AUTS2: variants seen among roughly 807,000 people sequenced by gnomAD.
The protein encoded by AUTS2 is autism susceptibility gene 2 protein.
Under a neutral mutation model 112.4 loss-of-function variants are expected in AUTS2, and 17 were observed. The ratio of observed to expected loss-of-function variants is 0.15; its 90% CI spans 0.10 to 0.23. AUTS2 has a LOEUF of 0.23. Among genes scored for constraint, AUTS2 ranks in the 10% least tolerant of loss-of-function variants. The pLI is 1.00. For synonymous variants in AUTS2, 751 were observed against 702.7 expected, an observed-to-expected ratio of 1.07 and a Z score of -1.09; for missense variants, 1,510 against 1,701.6, an observed-to-expected ratio of 0.89 and a Z score of 1.98.
intron 5 of AUTS2, among the ~76,000 whole-genome samples, chr7:70,640,965 C>T (rs2129540187): frequency 6.6e-6 from 1 of 152,220 alleles, no homozygotes; most frequent in Non-Finnish European, 1.5e-5. Flanking sequence ...CCAGTGTGGC[C>T]ACATCATTTC....
chr7:69,966,591 A>AT (rs900176027), intron 2 of AUTS2, among the ~76,000 whole-genome samples: 1 of 152,006 alleles, frequency 6.6e-6, no homozygotes, highest in Non-Finnish European at 1.5e-5. Flanking sequence ...TTTGGGAAAT[A>AT]TTTTTTACTT....
Position 70,792,289 on chromosome 7 carries a change from A to G in AUTS2, c.*1293A>G, listed in dbSNP as rs962799736. 4 of 152,584 alleles carry G rather than the reference A, an allele frequency of 2.6e-5. No homozygotes were observed. Among genetic ancestry groups the G allele is most frequent in the African/African-American group, 4.8e-5 (2 of 41,440 alleles). 9.5% of individuals were successfully genotyped at this position (152,584 alleles called of 1,614,324 possible). Reference sequence around the variant, plus strand: ...GAGTGTGTTTTTTGAGTTTGCATCAATCTTAATGTCTCTTCATAATACTTT... The same window carrying G: ...GAGTGTGTTTTTTGAGTTTGCATCAGTCTTAATGTCTCTTCATAATACTTT... On this transcript the variant is annotated 3_prime_UTR_variant, in exon 19 of 19. Coordinates refer to ENST00000342771, the MANE Select transcript of AUTS2 (RefSeq NM_015570.4).
At chr7:70,720,414 G>A (rs2129551220) in intron 6 of AUTS2, among the ~76,000 whole-genome samples, 1 of 152,290 alleles carries the variant, frequency 6.6e-6, no homozygotes, top group East Asian at 1.9e-4. Flanking sequence ...AGCGGGGGAA[G>A]AAGGTGGCTA....
At chr7:70,229,073 T>C (rs1385317964) in intron 4 of AUTS2, among the ~76,000 whole-genome samples, 1 of 151,950 alleles carries the variant, frequency 6.6e-6, no homozygotes, top group East Asian at 1.9e-4. Context: ...ATTTTACAAG[T>C]ACTGATTTAT....
chr7:70,405,171 A>G (rs554243631), intron 4 of AUTS2, among the ~76,000 whole-genome samples: 24 of 152,352 alleles, frequency 1.6e-4, no homozygotes, highest in African/African-American at 5.3e-4. Context: ...ATTGTATACC[A>G]TAAAGCTATA....
At chr7:70,596,885 A>T (rs1803239381) in intron 5 of AUTS2, 1 of 152,234 alleles carries the variant, frequency 6.6e-6, no homozygotes, top group Non-Finnish European at 1.5e-5. Flanking sequence ...GTCTGATAGG[A>T]TTGGCAATTA....
intron 2 of AUTS2, among the ~76,000 whole-genome samples, chr7:69,988,074 C>T (rs1188390698): frequency 6.6e-6 from 1 of 152,178 alleles, no homozygotes; most frequent in South Asian, 2.1e-4. Flanking sequence ...TTTACAGTTT[C>T]TGGCTTCAGA....
intron 1 of AUTS2, among the ~76,000 whole-genome samples, chr7:69,865,505 C>G (rs1446066786): frequency 1.3e-5 from 2 of 152,272 alleles, no homozygotes; most frequent in African/African-American, 4.8e-5. Flanking sequence ...TTAAAACCCT[C>G]TAATTTCCTA....
At chr7:70,480,815 AT>A (rs1389930842) in intron 5 of AUTS2, among the ~76,000 whole-genome samples, 6 of 152,204 alleles carry the variant, frequency 3.9e-5, no homozygotes, top group Non-Finnish European at 8.8e-5. Flanking sequence ...AGAGAACATC[AT>A]TTCTAGGATG....
intron 2 of AUTS2, among the ~76,000 whole-genome samples, chr7:69,911,887 G>C (rs554675839): frequency 6.6e-6 from 1 of 152,262 alleles, no homozygotes; most frequent in African/African-American, 2.4e-5. Flanking sequence ...TAGGCTTCAG[G>C]TTGTCCCTGG....
intron 4 of AUTS2, among the ~76,000 whole-genome samples, chr7:70,432,240 G>C (rs560614434): frequency 6.6e-6 from 1 of 152,288 alleles, no homozygotes; most frequent in East Asian, 1.9e-4. Flanking sequence ...CTCTGCATCT[G>C]ACATGCCTTT....
intron 4 of AUTS2, among the ~76,000 whole-genome samples, chr7:70,227,418 A>G (rs1451723359): frequency 2.0e-5 from 3 of 152,116 alleles, no homozygotes; most frequent in East Asian, 1.9e-4. Flanking sequence ...ATATAATTCA[A>G]TGAGTTTTAG....
intron 4 of AUTS2, chr7:70,291,387 C>T (rs1253392600): frequency 6.6e-6 from 1 of 152,148 alleles, no homozygotes; most frequent in Non-Finnish European, 1.5e-5. Context: ...GAGAAAACAA[C>T]TTTGTAAATC....
chr7:70,131,392 G>A (rs1240593420), intron 3 of AUTS2, among the ~76,000 whole-genome samples: 1 of 152,194 alleles, frequency 6.6e-6, no homozygotes, highest in African/African-American at 2.4e-5. Context: ...GTTGCAGTGA[G>A]TCATGATCTT....
At chr7:70,011,068 A>T (rs564535054) in intron 2 of AUTS2, among the ~76,000 whole-genome samples, 1 of 152,294 alleles carries the variant, frequency 6.6e-6, no homozygotes, top group East Asian at 1.9e-4. Context: ...AATAGGAGTT[A>T]AGGCTACTTA....
intron 1 of AUTS2, among the ~76,000 whole-genome samples, chr7:69,618,543 GA>G (rs2129087980): frequency 6.6e-6 from 1 of 152,258 alleles, no homozygotes; most frequent in South Asian, 2.1e-4. Context: ...TAGCCCCAGT[GA>G]AGTAAAAGCC....
chr7:70,696,674 AACACACACAC>A (rs35577599), intron 5 of AUTS2, among the ~76,000 whole-genome samples: 1 of 150,156 alleles, frequency 6.7e-6, no homozygotes, highest in Non-Finnish European at 1.5e-5. Flanking sequence ...TTTTCACTCG[AACACACACAC>A]ACACACACAC....
chr7:70,084,443 C>A (rs956932239), intron 2 of AUTS2, among the ~76,000 whole-genome samples: 3 of 152,148 alleles, frequency 2.0e-5, no homozygotes, highest in African/African-American at 7.2e-5. Context: ...GCTAAATGTT[C>A]TAAGAAACTG....
At chr7:70,787,157 C>A (rs767378001) in intron 17 of AUTS2, 52 bp from the exon 18 acceptor site, 1 of 1,557,018 alleles carries the variant, frequency 6.4e-7, no homozygotes, top group Non-Finnish European at 8.8e-7. Context: ...TTCATTACAG[C>A]AGATTATATA....
Sources: allele counts gnomAD v4.1 joint callset (sites outside exome capture counted in the v4.1 genomes callset), GRCh38; gene constraint gnomAD v4.1.1; transcripts MANE v1.5; gene names NCBI Gene and HGNC (gene_info 2026-07-23, HGNC 2026-07-21).